ANKRA2: variants seen among roughly 807,000 people sequenced by gnomAD.
ANKRA2 encodes ankyrin repeat family A protein 2.
ANKRA2 carries 33 observed loss-of-function variants against 37.8 expected under a neutral mutation model. The ratio of observed to expected loss-of-function variants is 0.87; its 90% CI spans 0.66 to 1.17. ANKRA2 has a LOEUF of 1.17. Ranked by LOEUF, ANKRA2 falls within the 50% of genes most tolerant of loss-of-function variation. ANKRA2 has a pLI of 0.00. For synonymous variants in ANKRA2, 126 were observed against 132.3 expected, an observed-to-expected ratio of 0.95 and a Z score of 0.33; for missense variants, 326 against 373.7, an observed-to-expected ratio of 0.87 and a Z score of 1.05.
intron 3 of ANKRA2, among the ~76,000 whole-genome samples, chr5:73,558,183 G>A (rs767925266): frequency 6.6e-6 from 1 of 151,958 alleles, no homozygotes; most frequent in Admixed American, 6.6e-5. Flanking sequence ...TCGTCATGTT[G>A]TTCTGGCTGG....
At chr5:73,559,216 G>A (rs999681992) in intron 3 of ANKRA2, among the ~76,000 whole-genome samples, 1 of 152,138 alleles carries the variant, frequency 6.6e-6, no homozygotes, top group Non-Finnish European at 1.5e-5. Context: ...TCAGAAATCA[G>A]GAGGGATTTA....
rs376097818 is a variant in ANKRA2 at position 73,554,313 on chromosome 5, T to C, written c.805+9A>G. 8 of 1,611,948 alleles carry C rather than the reference T, an allele frequency of 5.0e-6. No individual in the cohort carries two copies. In the African/African-American group the frequency reaches 1.1e-4, roughly 21 times the overall value. On this transcript the variant is annotated intron_variant, in intron 7 of 8. Transcript: ENST00000296785. ...TCACATGGCATTTTCTAAATTTTTATCTGCTTACCTAAGAGCATCTTTACA... is the reference window on the plus strand; with the variant it reads ...TCACATGGCATTTTCTAAATTTTTACCTGCTTACCTAAGAGCATCTTTACA...
rs1044468861 is a variant in ANKRA2 at position 73,565,172 on chromosome 5, G to A, written c.-145C>T. On this transcript the variant is annotated 5_prime_UTR_variant, in exon 1 of 9. Coordinates refer to ENST00000296785, the MANE Select transcript of ANKRA2 (RefSeq NM_023039.5). ...CAGCGTCCCGAGACAGGAGCCCGCT[G>A]TCTCCCGCTGGAGGGGAGACTCTTG... 3 of 152,170 alleles carry A rather than the reference G, an allele frequency of 2.0e-5. No individual in the cohort carries two copies. Among genetic ancestry groups the A allele is most frequent in the African/African-American group, 7.2e-5 (3 of 41,432 alleles). 9.4% of individuals were successfully genotyped at this position (152,170 alleles called of 1,614,324 possible).
chr5:73,559,821 T>C (rs988944112), intron 3 of ANKRA2, among the ~76,000 whole-genome samples: 12 of 152,118 alleles, frequency 7.9e-5, no homozygotes, highest in African/African-American at 2.9e-4. Flanking sequence ...TACAGTGGCA[T>C]GATCACAGCT....
At position 73,562,531 on chromosome 5, in the gene ANKRA2, G is replaced by GA. The variant is rs1346398207; in HGVS notation, c.289+61dup. The GA allele has an allele frequency of 1.2e-4, 179 of 1,451,566 alleles. 2 individuals are homozygous for GA. In the Admixed American group the frequency reaches 4.1e-3, roughly 33 times the overall value. The allele number at this position is 1,451,566 out of a possible 1,614,324, so 89.9% of individuals were successfully genotyped here. A position where few individuals can be genotyped will look rare whatever the true frequency, so the allele number is the denominator to read the frequency against. On this transcript the variant is annotated intron_variant, in intron 2 of 8. Transcript: ENST00000296785. Reference sequence around the variant, plus strand: ...CCCAAACTCAAAATCTCATGATTGGGAAAATAACCCAAATATACAAAAACA... The same window carrying GA: ...CCCAAACTCAAAATCTCATGATTGGGAAAAATAACCCAAATATACAAAAACA...
intron 6 of ANKRA2, 150 bp downstream of exon 6, chr5:73,554,711 C>T: frequency 1.1e-6 from 1 of 914,744 alleles, no homozygotes; most frequent in Non-Finnish European, 1.6e-6. Flanking sequence ...AGCTATCCTC[C>T]CGCTTCAGCC....
intron 4 of ANKRA2, among the ~76,000 whole-genome samples, chr5:73,555,986 C>G (rs1304492051): frequency 1.3e-5 from 2 of 152,150 alleles, no homozygotes; most frequent in East Asian, 3.9e-4. Context: ...CATCAACGTA[C>G]AGTTGGGAGG....
At chr5:73,555,096 C>T in intron 5 of ANKRA2, 110 bp from the exon 6 acceptor site, 2 of 1,483,716 alleles carry the variant, frequency 1.3e-6, no homozygotes, top group Non-Finnish European at 8.9e-7. Context: ...ATGTTCTGGG[C>T]TTAATAAAGA....
chr5:73,560,633 G>C (rs1176775742), intron 3 of ANKRA2, among the ~76,000 whole-genome samples: 3 of 152,120 alleles, frequency 2.0e-5, no homozygotes, highest in Non-Finnish European at 2.9e-5. Flanking sequence ...TGACACACCA[G>C]CCTCGGACTC....
intron 3 of ANKRA2, among the ~76,000 whole-genome samples, chr5:73,558,712 T>A (rs1747465897): frequency 6.6e-6 from 1 of 152,126 alleles, no homozygotes; most frequent in African/African-American, 2.4e-5. Context: ...AATTTTCATA[T>A]TTTTTGTAGA....
At chr5:73,564,553 T>C (rs1423398513) in intron 1 of ANKRA2, among the ~76,000 whole-genome samples, 1 of 152,254 alleles carries the variant, frequency 6.6e-6, no homozygotes, top group Non-Finnish European at 1.5e-5. Context: ...TAACATTTGC[T>C]GATTAGACCT....
chr5:73,560,068 A>G (rs1747506244), intron 3 of ANKRA2, among the ~76,000 whole-genome samples: 1 of 152,182 alleles, frequency 6.6e-6, no homozygotes, highest in African/African-American at 2.4e-5. Context: ...CTAGCCCCAC[A>G]TGAAATATTT....
intron 4 of ANKRA2, among the ~76,000 whole-genome samples, chr5:73,556,844 C>T (rs1458791523): frequency 6.6e-6 from 1 of 151,744 alleles, no homozygotes; most frequent in Non-Finnish European, 1.5e-5. Flanking sequence ...CTCTGAGATG[C>T]CATTTTTCAC....
intron 2 of ANKRA2, 23 bp downstream of exon 2, chr5:73,562,570 A>G (rs190072947): frequency 1.0e-4 from 162 of 1,550,088 alleles, no homozygotes; most frequent in Admixed American, 6.4e-4. Context: ...ACAAATGCAG[A>G]TATTTATACC....
chr5:73,553,685 C>T (rs565872716), intron 7 of ANKRA2, among the ~76,000 whole-genome samples, 199 bp from the exon 8 acceptor site: 2 of 152,252 alleles, frequency 1.3e-5, no homozygotes, highest in East Asian at 3.9e-4. Flanking sequence ...CAAACAGCAT[C>T]CTTTAGAGCA....
At chr5:73,557,493 A>G (rs1747433230) in intron 4 of ANKRA2, 82 bp downstream of exon 4, 1 of 916,996 alleles carries the variant, frequency 1.1e-6, no homozygotes, top group Non-Finnish European at 1.5e-6. Flanking sequence ...TGTCTTTAGG[A>G]CTTTCTTATA....
At chr5:73,562,530 G>T (rs1248968875) in intron 2 of ANKRA2, 63 bp downstream of exon 2, 1 of 1,442,930 alleles carries the variant, frequency 6.9e-7, no homozygotes, top group African/African-American at 1.4e-5. Context: ...CTCATGATTG[G>T]GAAAATAACC....
At chr5:73,562,122 T>G (rs1381987759) in intron 2 of ANKRA2, among the ~76,000 whole-genome samples, 1 of 152,100 alleles carries the variant, frequency 6.6e-6, no homozygotes, top group East Asian at 1.9e-4. Flanking sequence ...GTTCAAGCAA[T>G]TCTTGTACCT....
chr5:73,559,437 A>C (rs1449045064), intron 3 of ANKRA2, among the ~76,000 whole-genome samples: 1 of 152,166 alleles, frequency 6.6e-6, no homozygotes, highest in Non-Finnish European at 1.5e-5. Context: ...ACTTTAAAAA[A>C]ATTGTGGATT....
Sources: gnomAD v4.1 joint callset for allele counts (sites outside exome capture counted in the v4.1 genomes callset) on GRCh38, gnomAD v4.1.1 for gene constraint, MANE v1.5 for transcripts, NCBI Gene and HGNC (gene_info 2026-07-23, HGNC 2026-07-21) for gene names.